The following CLASP1 variants were observed in gnomAD, a reference collection of about 807,000 sequenced individuals.
CLASP1 encodes cytoplasmic linker associated protein 1.
A neutral mutation model predicts 192.3 loss-of-function variants in CLASP1; 38 were observed. That is an observed-to-expected ratio of 0.20 (90% CI 0.15 to 0.26). The LOEUF is 0.26. CLASP1 is among the 10% of genes least tolerant of loss of function. The probability of loss-of-function intolerance (pLI) is 1.00; values close to 1 mark genes in which losing one functional copy is unlikely to be tolerated. For missense variants in CLASP1, 1,433 were observed against 1,932.5 expected (o/e 0.74, Z 4.85); for synonymous variants, 691 against 712.8 (o/e 0.97, Z 0.49).
intron 30 of CLASP1, 118 bp from the exon 32 acceptor site, chr2:121,388,024 C>T: frequency 1.4e-6 from 1 of 709,538 alleles, no homozygotes; most frequent in Non-Finnish European, 2.2e-6. Flanking sequence ...GCATTCTAGG[C>T]ATCAAAAACA....
intron 35 of CLASP1, 43 bp from the exon 37 acceptor site, chr2:121,365,327 C>T (rs2149250984): frequency 1.9e-6 from 3 of 1,557,260 alleles, no homozygotes; most frequent in Non-Finnish European, 2.6e-6. Context: ...TGAGGAAATG[C>T]CCAGCACAGG....
intron 2 of CLASP1, among the ~76,000 whole-genome samples, chr2:121,573,303 G>A (rs543937970): frequency 2.0e-4 from 30 of 152,318 alleles, no homozygotes; most frequent in African/African-American, 6.3e-4. Context: ...ACAAAGGAAC[G>A]TGTAAACAAT....
At position 121,440,254 on chromosome 2, in the gene CLASP1, A is replaced by G. The variant is rs902791819; in HGVS notation, c.1912+7083T>C. The stretch of plus-strand genomic sequence containing the variant: ...GGCCTCTGTTGTGTTAAACTCAGAT[A>G]TATATTTATTTTATAGGAAAAGGTG... On this transcript the variant is annotated intron_variant, in intron 19 of 39. Coordinates refer to ENST00000263710, the Ensembl canonical transcript of CLASP1. Among the ~76,000 whole-genome samples, 7 of 152,250 alleles carry G rather than the reference A, an allele frequency of 4.6e-5. No homozygotes were observed. The South Asian group carries it at 6.2e-4, about 14-fold the overall frequency.
At chr2:121,476,246 T>A (rs926774659) in intron 8 of CLASP1, among the ~76,000 whole-genome samples, 1 of 151,698 alleles carries the variant, frequency 6.6e-6, no homozygotes, top group Non-Finnish European at 1.5e-5. Flanking sequence ...CACTAGGAGG[T>A]CAGAACCAGT....
At chr2:121,458,509 G>A (rs1385713604) in intron 13 of CLASP1, among the ~76,000 whole-genome samples, 1 of 152,150 alleles carries the variant, frequency 6.6e-6, no homozygotes, top group African/African-American at 2.4e-5. Flanking sequence ...GACTAAGGAG[G>A]TAAGACTAAG....
chr2:121,476,721 G>C (rs2091662325), intron 8 of CLASP1, among the ~76,000 whole-genome samples: 1 of 152,022 alleles, frequency 6.6e-6, no homozygotes, highest in African/African-American at 2.4e-5. Context: ...ACTGCAGCAG[G>C]GTCACTTTGA....
At chr2:121,525,803 T>C (rs2094561228) in intron 6 of CLASP1, 42 bp downstream of exon 6, 10 of 1,415,456 alleles carry the variant, frequency 7.1e-6, no homozygotes, top group Non-Finnish European at 1.0e-5. Context: ...CTCAACAGTC[T>C]GTAAGCAATG....
chr2:121,511,062 T>C (rs2094119227), intron 7 of CLASP1, among the ~76,000 whole-genome samples: 1 of 152,224 alleles, frequency 6.6e-6, no homozygotes, highest in East Asian at 1.9e-4. Flanking sequence ...GTAGAAAGTA[T>C]GAGTATGCAG....
intron 38 of CLASP1, among the ~76,000 whole-genome samples, chr2:121,348,252 G>A (rs2063726441): frequency 6.6e-6 from 1 of 152,190 alleles, no homozygotes; most frequent in South Asian, 2.1e-4. Context: ...ACAAAAAAAT[G>A]ATCAAAGTAT....
At chr2:121,450,314 A>G (rs2085200719) in intron 16 of CLASP1, among the ~76,000 whole-genome samples, 1 of 151,908 alleles carries the variant, frequency 6.6e-6, no homozygotes, top group Non-Finnish European at 1.5e-5. Flanking sequence ...CTGGGCAACA[A>G]AATGAGACTC....
chr2:121,347,928 A>C, intron 38 of CLASP1, among the ~76,000 whole-genome samples: 1 of 146,746 alleles, frequency 6.8e-6, no homozygotes, highest in African/African-American at 2.5e-5. Context: ...CACCTCTTCT[A>C]TGAACCCTCT....
At chr2:121,585,418 C>A (rs1400489772) in intron 2 of CLASP1, among the ~76,000 whole-genome samples, 1 of 152,174 alleles carries the variant, frequency 6.6e-6, no homozygotes, top group Non-Finnish European at 1.5e-5. Flanking sequence ...GTACAGAAAG[C>A]AACTGCGAAG....
intron 32 of CLASP1, among the ~76,000 whole-genome samples, chr2:121,386,237 T>C (rs1465672480): frequency 6.6e-6 from 1 of 152,250 alleles, no homozygotes; most frequent in Non-Finnish European, 1.5e-5. Flanking sequence ...GAAAATAGCA[T>C]ACTTGTGGTA....
intron 2 of CLASP1, among the ~76,000 whole-genome samples, chr2:121,596,339 G>A (rs980790873): frequency 6.6e-6 from 1 of 152,164 alleles, no homozygotes; most frequent in South Asian, 2.1e-4. Context: ...GAAAAAAATG[G>A]ACAGTCTCTG....
chr2:121,426,980 C>T (rs551968242), intron 21 of CLASP1, among the ~76,000 whole-genome samples: 1 of 151,948 alleles, frequency 6.6e-6, no homozygotes, highest in African/African-American at 2.4e-5. Context: ...GCATTTGAAG[C>T]AACACTTACC....
At chr2:121,507,318 A>G (rs879650981) in intron 7 of CLASP1, among the ~76,000 whole-genome samples, 24 of 152,212 alleles carry the variant, frequency 1.6e-4, no homozygotes, top group Non-Finnish European at 2.9e-4. Flanking sequence ...ATTCACCAGG[A>G]GGAGTTCAAC....
At chr2:121,448,896 G>T in intron 17 of CLASP1, 57 bp downstream of exon 17, 1 of 1,551,668 alleles carries the variant, frequency 6.4e-7, no homozygotes, top group South Asian at 1.2e-5. Context: ...GTTTTCATGT[G>T]ACAAACTTTT....
chr2:121,361,961 T>C (rs2149229671), intron 37 of CLASP1, among the ~76,000 whole-genome samples: 1 of 152,356 alleles, frequency 6.6e-6, no homozygotes, highest in African/African-American at 2.4e-5. Flanking sequence ...CCCTCGCCCT[T>C]GCTGAGCTAC....
chr2:121,538,252 C>CA (rs35979028), intron 2 of CLASP1, among the ~76,000 whole-genome samples: 89,828 of 151,564 alleles, frequency 0.59, 29,886 homozygotes, highest in African/African-American at 0.88. Context: ...CGTCTCTAAT[C>CA]AAATACAAAA....
Sources: gnomAD v4.1 joint callset for allele counts (sites outside exome capture counted in the v4.1 genomes callset) on GRCh38, gnomAD v4.1.1 for gene constraint, MANE v1.5 for transcripts, NCBI Gene and HGNC (gene_info 2026-07-23, HGNC 2026-07-21) for gene names.